The following ZDHHC14 variants were observed in gnomAD, a reference collection of about 807,000 sequenced individuals.
The protein encoded by ZDHHC14 is zDHHC palmitoyltransferase 14.
A neutral mutation model predicts 47.7 loss-of-function variants in ZDHHC14; 16 were observed. That is an observed-to-expected ratio of 0.34 (90% CI 0.23 to 0.51). The LOEUF (loss-of-function observed/expected upper bound fraction) is 0.51, where lower values mean the gene tolerates loss of function less well. Among genes scored for constraint, ZDHHC14 ranks in the 20% least tolerant of loss-of-function variants. ZDHHC14 has a pLI of 0.97. For synonymous variants in ZDHHC14, 293 were observed against 278.9 expected (o/e 1.05, Z -0.50); for missense variants, 515 against 662.5 (o/e 0.78, Z 2.44).
intron 1 of ZDHHC14, among the ~76,000 whole-genome samples, chr6:157,406,569 A>C (rs559021808): frequency 2.6e-5 from 4 of 152,334 alleles, no homozygotes; most frequent in Admixed American, 6.5e-5. Context: ...TTGCTAACTT[A>C]TGGGGCACCT....
intron 1 of ZDHHC14, among the ~76,000 whole-genome samples, chr6:157,505,623 A>G (rs955405527): frequency 2.0e-5 from 3 of 152,204 alleles, no homozygotes; most frequent in Non-Finnish European, 4.4e-5. Flanking sequence ...GCTGTAATCT[A>G]TTTAGGCCAA....
In ZDHHC14 at chr6:157,502,127, TG is replaced by T. The variant is rs2114739164; in HGVS notation, c.246-40457del. On this transcript the variant is annotated intron_variant, in intron 1 of 8. Coordinates refer to ENST00000359775, the MANE Select transcript of ZDHHC14 (RefSeq NM_024630.3). This position sits in a 1 kb window ranked among gnomAD's most constrained non-coding sequence, Gnocchi z 4.0. ...TTAATTGAATCTCAGAGACAGTAGA[TG>T]TCTTTCTCAGGGCCCACAGGAGTAA... Among the ~76,000 whole-genome samples, 1 of 152,352 alleles carries T rather than the reference TG, an allele frequency of 6.6e-6. No individual in the cohort carries two copies. The highest frequency in any genetic ancestry group is 1.9e-4 in the East Asian group (1 of 5,192).
At chr6:157,482,094 G>C (rs1462962917) in intron 1 of ZDHHC14, among the ~76,000 whole-genome samples, 1 of 152,046 alleles carries the variant, frequency 6.6e-6, no homozygotes, top group Non-Finnish European at 1.5e-5. Context: ...CAGAAAGAAA[G>C]CTTGCAAAAA....
intron 1 of ZDHHC14, among the ~76,000 whole-genome samples, chr6:157,536,849 C>T (rs554160482): frequency 6.6e-5 from 2 of 30,124 alleles, no homozygotes; most frequent in African/African-American, 5.8e-4. Flanking sequence ...GACAGAGTCT[C>T]GCTCTGTCGC....
chr6:157,439,223 G>T (rs1365369775), intron 1 of ZDHHC14, among the ~76,000 whole-genome samples: 1 of 152,116 alleles, frequency 6.6e-6, no homozygotes, highest in Admixed American at 6.5e-5. Context: ...AACTACAGTT[G>T]CAGAGTGCTA....
chr6:157,670,681 C>G (rs952688022), intron 8 of ZDHHC14, among the ~76,000 whole-genome samples: 24 of 152,180 alleles, frequency 1.6e-4, no homozygotes, highest in African/African-American at 5.1e-4. Flanking sequence ...ACCTTTCTTT[C>G]CCAAGCCTTC....
At chr6:157,491,675 G>A (rs1779920111) in intron 1 of ZDHHC14, among the ~76,000 whole-genome samples, 1 of 152,116 alleles carries the variant, frequency 6.6e-6, no homozygotes, top group Non-Finnish European at 1.5e-5. Context: ...CTTTGGCTGG[G>A]AGTCCCCAGG....
intron 1 of ZDHHC14, among the ~76,000 whole-genome samples, chr6:157,462,843 C>G (rs899845496): frequency 2.0e-5 from 3 of 152,264 alleles, no homozygotes; most frequent in African/African-American, 7.2e-5. Flanking sequence ...ATGGCTGTCT[C>G]TGCAGACTCA....
At chr6:157,566,225 AG>A (rs1244437521) in intron 2 of ZDHHC14, among the ~76,000 whole-genome samples, 1 of 144,774 alleles carries the variant, frequency 6.9e-6, no homozygotes, top group African/African-American at 2.7e-5. Flanking sequence ...AAGAAGGAAA[AG>A]CTCAAGTCTT....
At chr6:157,589,396 A>G (rs1783822150) in intron 2 of ZDHHC14, among the ~76,000 whole-genome samples, 1 of 152,114 alleles carries the variant, frequency 6.6e-6, no homozygotes, top group Non-Finnish European at 1.5e-5. Flanking sequence ...TAGACATCTC[A>G]ATGCTTGATA....
chr6:157,552,343 G>T (rs1782268122), intron 2 of ZDHHC14, among the ~76,000 whole-genome samples: 1 of 152,042 alleles, frequency 6.6e-6, no homozygotes, highest in South Asian at 2.1e-4. Flanking sequence ...GGCAGGGCAG[G>T]GCAGGCGGCA....
intron 6 of ZDHHC14, 131 bp downstream of exon 6, chr6:157,645,970 G>A (rs1242220320): frequency 1.4e-6 from 1 of 717,358 alleles, no homozygotes; most frequent in African/African-American, 1.8e-5. Flanking sequence ...TGGGAACAGA[G>A]ACGGTGCCGT....
At chr6:157,622,253 C>T (rs1019461858) in intron 3 of ZDHHC14, among the ~76,000 whole-genome samples, 2 of 148,890 alleles carry the variant, frequency 1.3e-5, no homozygotes, top group Non-Finnish European at 3.0e-5. Context: ...CCAGATGTGG[C>T]GGCGTGCATG....
chr6:157,395,261 A>G (rs1370802034), intron 1 of ZDHHC14, among the ~76,000 whole-genome samples: 1 of 151,566 alleles, frequency 6.6e-6, no homozygotes, highest in African/African-American at 2.4e-5. Flanking sequence ...GCTGGGCTCA[A>G]GCAATCCTCC....
At chr6:157,532,789 G>A (rs1781408945) in intron 1 of ZDHHC14, among the ~76,000 whole-genome samples, 1 of 152,164 alleles carries the variant, frequency 6.6e-6, no homozygotes, top group Admixed American at 6.5e-5. Flanking sequence ...AAAATCAAGA[G>A]CTTCAGCCCG....
intron 1 of ZDHHC14, among the ~76,000 whole-genome samples, chr6:157,531,942 G>A (rs1186028448): frequency 6.6e-6 from 1 of 152,286 alleles, no homozygotes; most frequent in Non-Finnish European, 1.5e-5. Context: ...CGTTCTGCGG[G>A]ATGGGCGTGG....
intron 2 of ZDHHC14, among the ~76,000 whole-genome samples, chr6:157,556,027 A>G (rs1782444913): frequency 1.3e-5 from 2 of 152,244 alleles, no homozygotes; most frequent in East Asian, 3.9e-4. Flanking sequence ...TGGCCGGAGG[A>G]GGCGGTACTG....
chr6:157,545,273 G>A (rs780263008), intron 2 of ZDHHC14, among the ~76,000 whole-genome samples: 1 of 152,124 alleles, frequency 6.6e-6, no homozygotes, highest in Non-Finnish European at 1.5e-5. Context: ...AAATTAAGTC[G>A]TGGTGATGGT....
rs372325972 is a variant in ZDHHC14, at chr6:157,493,614, C to T, written c.246-48971C>T. Among the ~76,000 whole-genome samples, 20 of 152,374 alleles carry T rather than the reference C, an allele frequency of 1.3e-4. No individual in the cohort carries two copies. In the South Asian group the frequency reaches 2.1e-3, roughly 16 times the overall value. The stretch of plus-strand genomic sequence containing the variant: ...GACCCAGAAAAGCATGAGCCACATC[C>T]GTGACAGTGGGATGGACACCATCAG... On this transcript the variant is annotated intron_variant, in intron 1 of 8. Coordinates refer to ENST00000359775, the MANE Select transcript of ZDHHC14 (RefSeq NM_024630.3).
Sources: gnomAD v4.1 joint callset for allele counts (sites outside exome capture counted in the v4.1 genomes callset) on GRCh38, gnomAD v4.1.1 for gene constraint, Gnocchi (gnomAD v3.1) non-coding constraint, MANE v1.5 for transcripts, NCBI Gene and HGNC (gene_info 2026-07-23, HGNC 2026-07-21) for gene names.